Variants in BPTF observed in about 807,000 individuals in gnomAD.
The protein encoded by BPTF is nucleosome-remodeling factor subunit BPTF.
A neutral mutation model predicts 292.5 loss-of-function variants in BPTF; 18 were observed. The ratio of observed to expected loss-of-function variants is 0.06; its 90% CI spans 0.04 to 0.09. The LOEUF is 0.09. BPTF is among the 10% of genes least tolerant of loss of function. The probability of loss-of-function intolerance (pLI) is 1.00; values close to 1 mark genes in which losing one functional copy is unlikely to be tolerated. For synonymous variants in BPTF, 1,225 were observed against 1,251.9 expected, an observed-to-expected ratio of 0.98 and a Z score of 0.45; for missense variants, 2,726 against 3,498.7, an observed-to-expected ratio of 0.78 and a Z score of 5.57.
At chr17:67,951,352 T>C (rs1164705778) in intron 23 of BPTF, 1 of 152,162 alleles carries the variant, frequency 6.6e-6, no homozygotes, top group Non-Finnish European at 1.5e-5. Context: ...TTAGGAATTG[T>C]ATGCTGGGAA....
chr17:67,928,142 C>A (rs937349096), intron 15 of BPTF, among the ~76,000 whole-genome samples: 16 of 152,050 alleles, frequency 1.1e-4, no homozygotes, highest in African/African-American at 3.4e-4. Flanking sequence ...CCTCAGCCTC[C>A]CAGAGTGCTA....
In BPTF at chr17:67,920,043, A is replaced by G; in HGVS notation, c.5457A>G (p.Thr1819=). The G allele has an allele frequency of 6.2e-7, 1 of 1,611,612 alleles. No homozygotes were observed. Among genetic ancestry groups the G allele is most frequent in the Non-Finnish European group, 8.5e-7 (1 of 1,178,452 alleles). The change falls in exon 13 of 28, where the codon ACA becomes ACG. Residue 1819 remains threonine, a synonymous_variant. Transcript: ENST00000306378. ...TETSETEITT[T]EIIKRRDVGP... ...CATCCGAAACTGAAATCACAACAAC[A>G]GAAATAATTAAGAGGAGAGATGTTG...
chr17:67,960,376 T>C (rs1418953175), intron 24 of BPTF: 1 of 152,224 alleles, frequency 6.6e-6, no homozygotes, highest in South Asian at 2.1e-4. Flanking sequence ...CTGCAACTCA[T>C]ATTTTTGTCA....
At chr17:67,948,348 A>AT (rs1194069147) in intron 23 of BPTF, 42 bp downstream of exon 23, 1 of 1,518,204 alleles carries the variant, frequency 6.6e-7, no homozygotes, top group African/African-American at 1.4e-5. Flanking sequence ...AGTGTTTAAC[A>AT]TCTGAGGTTC....
chr17:67,943,112 G>C (rs1293904052), intron 19 of BPTF, among the ~76,000 whole-genome samples: 2 of 152,192 alleles, frequency 1.3e-5, no homozygotes, highest in East Asian at 3.8e-4. Context: ...ACCTCTAGGG[G>C]AGAGGGAGGG....
chr17:67,902,268 T>C (rs901873022), intron 7 of BPTF, among the ~76,000 whole-genome samples: 2 of 152,186 alleles, frequency 1.3e-5, no homozygotes, highest in African/African-American at 4.8e-5. Flanking sequence ...CAGTGCTCCA[T>C]TCCTGGCCTC....
intron 9 of BPTF, among the ~76,000 whole-genome samples, chr17:67,905,272 C>A (rs906358437): frequency 2.0e-5 from 3 of 151,708 alleles, no homozygotes; most frequent in Non-Finnish European, 4.4e-5. Flanking sequence ...GCTGGGTGTG[C>A]TGGTACACGC....
chr17:67,941,488 T>C (rs1451215647), intron 19 of BPTF, among the ~76,000 whole-genome samples: 1 of 152,158 alleles, frequency 6.6e-6, no homozygotes, highest in Admixed American at 6.5e-5. Flanking sequence ...AATACTTCAC[T>C]AATTAATATA....
At chr17:67,896,129 A>AT (rs1443581032) in intron 7 of BPTF, among the ~76,000 whole-genome samples, 1 of 151,894 alleles carries the variant, frequency 6.6e-6, no homozygotes. Flanking sequence ...TGCCCAGCTA[A>AT]TTTTTTGTAT....
At position 67,966,533 on chromosome 17, in the gene BPTF, G is replaced by A. The variant is rs782727607; in HGVS notation, c.8455-39G>A. ...ACCAGGAAACTTAAATGGAATTAGTGTTTTCACTGACAATAATGATGCTGC... is the reference window on the plus strand; with the variant it reads ...ACCAGGAAACTTAAATGGAATTAGTATTTTCACTGACAATAATGATGCTGC... On this transcript the variant is annotated intron_variant, in intron 25 of 27. Coordinates refer to ENST00000306378, the MANE Select transcript of BPTF (RefSeq NM_182641.4). 5.7e-6 allele frequency: 9 copies of A among 1,576,640 alleles called. No homozygotes were observed. The Admixed American group carries it at 8.4e-5, about 15-fold the overall frequency.
chr17:67,886,039 A>C (rs2060728802), intron 4 of BPTF: 1 of 1,001,234 alleles, frequency 1.0e-6, no homozygotes, highest in Admixed American at 2.3e-5. Flanking sequence ...ACAGCTTCTT[A>C]ATGAAATCCT....
At chr17:67,922,691 A>T (rs12600941) in intron 13 of BPTF, 149 bp from the exon 14 acceptor site, 1 of 802,562 alleles carries the variant, frequency 1.2e-6, no homozygotes, top group Non-Finnish European at 1.9e-6. Context: ...GGCTGCTTTC[A>T]TGATACAAAG....
At chr17:67,893,855 C>T in intron 6 of BPTF, 130 bp downstream of exon 6, 3 of 1,114,422 alleles carry the variant, frequency 2.7e-6, no homozygotes, top group Non-Finnish European at 2.6e-6. Flanking sequence ...GCAGACAGGA[C>T]ATTAGAGGCA....
chr17:67,955,737 G>A (rs1192055000), intron 23 of BPTF: 2 of 152,072 alleles, frequency 1.3e-5, no homozygotes, highest in African/African-American at 4.8e-5. Context: ...TGAGGGAGGA[G>A]AATCACTTGA....
intron 24 of BPTF, among the ~76,000 whole-genome samples, chr17:67,960,984 C>CT (rs2067427770): frequency 6.6e-6 from 1 of 152,192 alleles, no homozygotes; most frequent in Non-Finnish European, 1.5e-5. Flanking sequence ...ATAATGTAAA[C>CT]AGTAGAACGT....
chr17:67,931,837 T>G, intron 17 of BPTF, 74 bp from the exon 18 acceptor site: 1 of 1,059,908 alleles, frequency 9.4e-7, no homozygotes, highest in Non-Finnish European at 1.4e-6. Context: ...TGTTTAAAGA[T>G]CTTGTGTTCT....
At chr17:67,882,744 C>T (rs1041984564) in intron 4 of BPTF, among the ~76,000 whole-genome samples, 25 of 152,028 alleles carry the variant, frequency 1.6e-4, no homozygotes, top group Admixed American at 7.9e-4. Flanking sequence ...TGGTGGCTGA[C>T]GCCTGTAATC....
At chr17:67,942,709 A>G (rs542923939) in intron 19 of BPTF, among the ~76,000 whole-genome samples, 1 of 152,352 alleles carries the variant, frequency 6.6e-6, no homozygotes, top group East Asian at 1.9e-4. Context: ...AGAATCAAAA[A>G]CTAAGAACAA....
At chr17:67,965,026 T>C (rs1431313448) in intron 25 of BPTF, 1 of 129,730 alleles carries the variant, frequency 7.7e-6, no homozygotes, top group African/African-American at 2.9e-5. Context: ...AAAAAGATTA[T>C]AGTTATTCTT....
Sources: allele counts gnomAD v4.1 joint callset (sites outside exome capture counted in the v4.1 genomes callset), GRCh38; gene constraint gnomAD v4.1.1; transcripts MANE v1.5; gene names NCBI Gene and HGNC (gene_info 2026-07-23, HGNC 2026-07-21).